Variants in HECW1 observed in about 807,000 individuals in gnomAD.
HECW1 encodes the protein HECT, C2 and WW domain containing E3 ubiquitin protein ligase 1, also known as E3 ubiquitin-protein ligase HECW1.
In HECW1, 61 loss-of-function variants were observed where a neutral mutation model predicts 182.3. That is an observed-to-expected ratio of 0.33 (90% confidence interval 0.27 to 0.41). HECW1 has a LOEUF of 0.41. HECW1 is among the 10% of genes least tolerant of loss of function. The pLI, the probability that HECW1 is intolerant of heterozygous loss-of-function variation, is 1.00. For missense variants in HECW1, 1,739 were observed against 2,108.9 expected, an observed-to-expected ratio of 0.82 and a Z score of 3.44; for synonymous variants, 859 against 832.6, an observed-to-expected ratio of 1.03 and a Z score of -0.55.
chr7:43,241,616 A>ATGTGTGTGTGTGTGTGTG (rs57645139), intron 2 of HECW1: 2 of 122,166 alleles, frequency 1.6e-5, no homozygotes, highest in South Asian at 3.2e-4. Flanking sequence ...CTCCTAATGT[A>ATGTGTGTGTGTGTGTGTG]TGTGTGTGTG....
chr7:43,482,521 G>A (rs889779754), intron 17 of HECW1, among the ~76,000 whole-genome samples: 2 of 152,162 alleles, frequency 1.3e-5, no homozygotes, highest in Admixed American at 6.5e-5. Context: ...GTTAAGTAAC[G>A]AGAGAAATCA....
chr7:43,347,967 G>A (rs115325089), intron 5 of HECW1, among the ~76,000 whole-genome samples: 5,193 of 152,180 alleles, frequency 0.034, 98 homozygotes, highest in Middle Eastern at 0.041. Context: ...CAAGGACATC[G>A]GTATGTAGTT....
intron 1 of HECW1, chr7:43,113,549 C>T (rs1583547873): frequency 1.1e-5 from 2 of 174,994 alleles, no homozygotes; most frequent in East Asian, 2.0e-4. Flanking sequence ...CCCAGCGCCT[C>T]CCTGTTACCG....
intron 2 of HECW1, among the ~76,000 whole-genome samples, chr7:43,224,997 G>A (rs976909750): frequency 1.3e-5 from 2 of 152,242 alleles, no homozygotes; most frequent in South Asian, 2.1e-4. Flanking sequence ...CAGGCAACTC[G>A]GGGCCTATTG....
intron 11 of HECW1, among the ~76,000 whole-genome samples, chr7:43,450,264 G>A (rs906145567): frequency 6.6e-6 from 1 of 151,778 alleles, no homozygotes; most frequent in African/African-American, 2.4e-5. Flanking sequence ...CCAACCTCCA[G>A]CTTTCCTACT....
chr7:43,513,718 G>T (rs185122597), intron 24 of HECW1, among the ~76,000 whole-genome samples: 44 of 151,372 alleles, frequency 2.9e-4, no homozygotes, highest in African/African-American at 9.9e-4. Context: ...CAGGATTTTT[G>T]ATTTTTGTTT....
intron 6 of HECW1, among the ~76,000 whole-genome samples, chr7:43,369,331 G>T (rs1403626899): frequency 3.3e-5 from 5 of 152,246 alleles, no homozygotes; most frequent in South Asian, 2.1e-4. Context: ...GGTGGCACAT[G>T]CCTGTAATCC....
intron 2 of HECW1, among the ~76,000 whole-genome samples, chr7:43,140,240 AT>A (rs1440463187): frequency 1.3e-5 from 2 of 151,732 alleles, no homozygotes; most frequent in Admixed American, 6.6e-5. Context: ...GAATTTGATT[AT>A]TTTTATGCTG....
intron 5 of HECW1, among the ~76,000 whole-genome samples, chr7:43,334,106 G>T (rs1811830397): frequency 6.6e-6 from 1 of 152,214 alleles, no homozygotes; most frequent in South Asian, 2.1e-4. Flanking sequence ...CATAGCCACA[G>T]CTGTTTTTGG....
At chr7:43,289,988 C>A (rs752760913) in intron 3 of HECW1, among the ~76,000 whole-genome samples, 1 of 152,150 alleles carries the variant, frequency 6.6e-6, no homozygotes, top group African/African-American at 2.4e-5. Flanking sequence ...TAGGATAAAG[C>A]GGGTTGTGGA....
At chr7:43,464,163 T>C (rs1441892881) in intron 14 of HECW1, among the ~76,000 whole-genome samples, 1 of 152,270 alleles carries the variant, frequency 6.6e-6, no homozygotes, top group Non-Finnish European at 1.5e-5. Context: ...GTTTTATTTA[T>C]TTATAAGTTA....
At chr7:43,296,778 T>C (rs1248289680) in intron 3 of HECW1, among the ~76,000 whole-genome samples, 1 of 152,196 alleles carries the variant, frequency 6.6e-6, no homozygotes, top group African/African-American at 2.4e-5. Context: ...GGGCCAGCCG[T>C]TCAGGGTGCA....
At chr7:43,477,539 C>T (rs1173065655) in intron 16 of HECW1, among the ~76,000 whole-genome samples, 1 of 152,074 alleles carries the variant, frequency 6.6e-6, no homozygotes, top group Non-Finnish European at 1.5e-5. Context: ...TTTGACGTCA[C>T]TAGTGTCATT....
At chr7:43,450,984 G>A in intron 12 of HECW1, 55 bp downstream of exon 12, 1 of 1,223,878 alleles carries the variant, frequency 8.2e-7, no homozygotes, top group Non-Finnish European at 1.2e-6. Context: ...AGTCTAAGCA[G>A]GTCAGTATGA....
chr7:43,344,462 C>T (rs1355460844), intron 5 of HECW1, among the ~76,000 whole-genome samples: 2 of 151,612 alleles, frequency 1.3e-5, no homozygotes, highest in South Asian at 2.1e-4. Flanking sequence ...GACTCTTGCT[C>T]CTTTGAAGGT....
At chr7:43,366,172 C>CT (rs11399162) in intron 6 of HECW1, among the ~76,000 whole-genome samples, 19,525 of 151,794 alleles carry the variant, frequency 0.13, 1,972 homozygotes, top group African/African-American at 0.28. Context: ...GATTCATATA[C>CT]TTGTCAGACC....
chr7:43,533,008 C>A (rs1354191693), intron 24 of HECW1, among the ~76,000 whole-genome samples: 1 of 152,164 alleles, frequency 6.6e-6, no homozygotes, highest in Non-Finnish European at 1.5e-5. Flanking sequence ...TTTTCCCACA[C>A]CCTGTGCTCT....
At chr7:43,323,838 C>T (rs987911756) in intron 5 of HECW1, among the ~76,000 whole-genome samples, 12 of 150,850 alleles carry the variant, frequency 8.0e-5, no homozygotes, top group African/African-American at 3.0e-4. Flanking sequence ...CCTAGGGTTT[C>T]ACCCTGGCCC....
chr7:43,479,526 C>G, intron 16 of HECW1, 84 bp from the exon 17 acceptor site: 1 of 1,508,880 alleles, frequency 6.6e-7, no homozygotes, highest in Non-Finnish European at 9.1e-7. Flanking sequence ...AGGCCTGGGC[C>G]CTGTAGCACT....
Sources: allele counts gnomAD v4.1 joint callset (sites outside exome capture counted in the v4.1 genomes callset), GRCh38; gene constraint gnomAD v4.1.1; transcripts MANE v1.5; gene names NCBI Gene and HGNC (gene_info 2026-07-23, HGNC 2026-07-21).